The following PTPRR variants were observed in gnomAD, a reference collection of about 807,000 sequenced individuals.
PTPRR encodes the protein protein tyrosine phosphatase receptor type R.
PTPRR carries 38 observed loss-of-function variants against 77.2 expected under a neutral mutation model. The observed-to-expected ratio is 0.49, with a 90% confidence interval of 0.38 to 0.65. PTPRR has a LOEUF of 0.65. PTPRR is among the 30% of genes least tolerant of loss of function. The pLI, the probability that PTPRR is intolerant of heterozygous loss-of-function variation, is 0.00. For missense variants in PTPRR, 744 were observed against 799.2 expected (o/e 0.93, Z 0.83); for synonymous variants, 299 against 283.1 (o/e 1.06, Z -0.57).
intron 13 of PTPRR, chr12:70,639,512 T>C: frequency 8.0e-7 from 1 of 1,248,288 alleles, no homozygotes; most frequent in Non-Finnish European, 1.0e-6. Context: ...ACGTGATTAA[T>C]TTTTACCTGT....
At chr12:70,725,423 A>C (rs546222148) in intron 6 of PTPRR, among the ~76,000 whole-genome samples, 68 of 152,216 alleles carry the variant, frequency 4.5e-4, no homozygotes, top group Non-Finnish European at 8.8e-4. Context: ...GAATAAATAA[A>C]GCACAATAGA....
At chr12:70,750,441 T>C (rs1455146343) in intron 5 of PTPRR, among the ~76,000 whole-genome samples, 1 of 152,196 alleles carries the variant, frequency 6.6e-6, no homozygotes, top group African/African-American at 2.4e-5. Context: ...TTGGAATACA[T>C]GTGTTTCAGA....
At chr12:70,851,764 C>T (rs1202131738) in intron 2 of PTPRR, among the ~76,000 whole-genome samples, 13 of 152,088 alleles carry the variant, frequency 8.5e-5, no homozygotes, top group African/African-American at 2.9e-4. Flanking sequence ...ATGCAAGAAG[C>T]CATTGATGTT....
chr12:70,847,564 G>T (rs980421014), intron 2 of PTPRR, among the ~76,000 whole-genome samples: 8 of 152,034 alleles, frequency 5.3e-5, no homozygotes, highest in African/African-American at 1.9e-4. Flanking sequence ...TTAAATTTTG[G>T]AAAGACTGGG....
chr12:70,881,591 T>G (rs1031881302), intron 2 of PTPRR, among the ~76,000 whole-genome samples: 4 of 152,252 alleles, frequency 2.6e-5, no homozygotes, highest in African/African-American at 9.6e-5. Context: ...GAAAGATATC[T>G]AAAGTTGGTA....
chr12:70,768,413 A>C (rs1890882292), intron 2 of PTPRR, among the ~76,000 whole-genome samples: 1 of 152,240 alleles, frequency 6.6e-6, no homozygotes, highest in South Asian at 2.1e-4. Flanking sequence ...ATCTAGAAGA[A>C]ATGGATAAAT....
intron 2 of PTPRR, among the ~76,000 whole-genome samples, chr12:70,844,784 TAAA>T (rs1398213834): frequency 2.0e-5 from 3 of 152,082 alleles, no homozygotes; most frequent in Non-Finnish European, 4.4e-5. Flanking sequence ...TTACAGAAAG[TAAA>T]AAAGTCAATA....
At chr12:70,711,762 A>G (rs1440968456) in intron 6 of PTPRR, among the ~76,000 whole-genome samples, 1 of 152,158 alleles carries the variant, frequency 6.6e-6, no homozygotes, top group Non-Finnish European at 1.5e-5. Context: ...GTACCCTTTA[A>G]TATCTATCTG....
chr12:70,810,762 C>G (rs1592769995), intron 2 of PTPRR, among the ~76,000 whole-genome samples: 1 of 152,114 alleles, frequency 6.6e-6, no homozygotes, highest in Non-Finnish European at 1.5e-5. Flanking sequence ...AGTGCCATGC[C>G]TATTTCTTTC....
chr12:70,676,774 AT>A (rs1887463283), intron 10 of PTPRR, among the ~76,000 whole-genome samples: 1 of 148,718 alleles, frequency 6.7e-6, no homozygotes, highest in East Asian at 2.0e-4. Context: ...TGGTCTATGT[AT>A]TTGTTTTTTT....
rs184457473 is a variant in PTPRR at position 70,867,818 on chromosome 12, T to G, written c.357+24861A>C. Among the ~76,000 whole-genome samples the G allele has an allele frequency of 8.6e-3, 1,315 of 152,094 alleles. 16 individuals are homozygous for G. Among genetic ancestry groups the G allele is most frequent in the Non-Finnish European group, 0.012 (803 of 67,960 alleles). ...AAGGCTACAGTAACCAAAACAGCAT[T>G]GTACTGGTACCAAAACAGAGATACA... On this transcript the variant is annotated intron_variant, in intron 2 of 13. Coordinates refer to ENST00000283228, the MANE Select transcript of PTPRR (RefSeq NM_002849.4).
chr12:70,903,443 C>G (rs1350612866), intron 1 of PTPRR, among the ~76,000 whole-genome samples: 1 of 151,550 alleles, frequency 6.6e-6, no homozygotes, highest in Non-Finnish European at 1.5e-5. Flanking sequence ...AAAATGAATT[C>G]AGAGAAAGTA....
chr12:70,808,650 A>T (rs74102006), intron 2 of PTPRR, among the ~76,000 whole-genome samples: 1 of 152,192 alleles, frequency 6.6e-6, no homozygotes, highest in African/African-American at 2.4e-5. Context: ...TGTCAAAGCA[A>T]TAAAGGTCCT....
chr12:70,840,677 T>A (rs1340902597), intron 2 of PTPRR, among the ~76,000 whole-genome samples: 1 of 152,058 alleles, frequency 6.6e-6, no homozygotes, highest in East Asian at 1.9e-4. Flanking sequence ...TAAAAATGAA[T>A]CATCTTAAGA....
intron 6 of PTPRR, among the ~76,000 whole-genome samples, chr12:70,736,961 G>C (rs1026960595): frequency 1.3e-5 from 2 of 152,178 alleles, no homozygotes; most frequent in African/African-American, 4.8e-5. Context: ...CCCCACCCAG[G>C]TCGCCTTTCT....
At chr12:70,855,458 G>A (rs188309721) in intron 2 of PTPRR, among the ~76,000 whole-genome samples, 8 of 152,178 alleles carry the variant, frequency 5.3e-5, no homozygotes, top group Non-Finnish European at 7.4e-5. Context: ...GACTGACTAG[G>A]GCCAAGAGCA....
chr12:70,848,198 C>T (rs1011699183), intron 2 of PTPRR, among the ~76,000 whole-genome samples: 11 of 152,184 alleles, frequency 7.2e-5, no homozygotes, highest in Non-Finnish European at 1.5e-4. Flanking sequence ...AATATAATGA[C>T]TTGATGTGTA....
At chr12:70,822,147 A>T (rs1039697818) in intron 2 of PTPRR, among the ~76,000 whole-genome samples, 4 of 152,234 alleles carry the variant, frequency 2.6e-5, no homozygotes, top group Admixed American at 2.6e-4. Flanking sequence ...TGTTGCAGAA[A>T]ATGCAAAGGA....
At chr12:70,679,051 G>A (rs1887558199) in intron 10 of PTPRR, among the ~76,000 whole-genome samples, 1 of 152,162 alleles carries the variant, frequency 6.6e-6, no homozygotes, top group South Asian at 2.1e-4. Flanking sequence ...TTCAACAAAT[G>A]TAAGCATTTA....
Sources: gnomAD v4.1 joint callset for allele counts (sites outside exome capture counted in the v4.1 genomes callset) on GRCh38, gnomAD v4.1.1 for gene constraint, MANE v1.5 for transcripts, NCBI Gene and HGNC (gene_info 2026-07-23, HGNC 2026-07-21) for gene names.